Variants in SPTB observed in about 807,000 individuals in gnomAD.
SPTB encodes the protein spectrin beta, erythrocytic.
Under a neutral mutation model 256.2 loss-of-function variants are expected in SPTB, and 45 were observed. That is an observed-to-expected ratio of 0.18 (90% CI 0.14 to 0.23). SPTB has a LOEUF of 0.23. SPTB is among the 10% of genes least tolerant of loss of function. The probability of loss-of-function intolerance (pLI) is 1.00; values close to 1 mark genes in which losing one functional copy is unlikely to be tolerated. For synonymous variants in SPTB, 1,231 were observed against 1,243.1 expected (o/e 0.99, Z 0.21); for missense variants, 2,715 against 3,040.4 (o/e 0.89, Z 2.52).
chr14:64,807,596 G>A lies in SPTB; in HGVS notation c.149-2506C>T, dbSNP rs533702307. On this transcript the variant is annotated intron_variant, in intron 2 of 35. Coordinates refer to ENST00000644917, the MANE Select transcript of SPTB (RefSeq NM_001355436.2). This position sits in a 1 kb window ranked among gnomAD's most constrained non-coding sequence, Gnocchi z 4.7. ...CAATGTTGAGACACAGAAAGATTTCGAGAGGCTAATGATGATTGGAAGGGG... is the reference window on the plus strand; with the variant it reads ...CAATGTTGAGACACAGAAAGATTTCAAGAGGCTAATGATGATTGGAAGGGG... Among the ~76,000 whole-genome samples the A allele has an allele frequency of 5.3e-5, 8 of 152,328 alleles. No homozygotes were observed. The South Asian group carries it at 1.2e-3, about 24-fold the overall frequency.
intron 2 of SPTB, among the ~76,000 whole-genome samples, chr14:64,808,205 G>A (rs2083021184): frequency 1.3e-5 from 2 of 152,124 alleles, no homozygotes; most frequent in Non-Finnish European, 2.9e-5. Flanking sequence ...GTACAGACGG[G>A]GTTTCACCAT....
Position 64,772,818 on chromosome 14 carries a change from T to G in SPTB, c.5315A>C (p.Lys1772Thr), listed in dbSNP as rs1360974439. The G allele has an allele frequency of 6.2e-7, 1 of 1,613,912 alleles. No homozygotes were observed. ...TGCCCACATCTCGTTCAGCCCGTCC[T>G]TCCACTCGGCGATGGTGGCCGCCTC... ...HSEAATIAEW[K>T]DGLNEMWADL... is the part of the protein sequence containing the mutation. The change falls in exon 26 of 36, where the codon AAG (lysine) becomes ACG (threonine). Residue 1772 changes from lysine to threonine, a missense_variant. Lys to Thr is a moderately conservative substitution (Grantham distance 78). Around this residue, in one of 4 missense-constraint regions of SPTB, gnomAD observed 2,239 missense variants for 2,384.4 expected, o/e 0.94. Coordinates refer to ENST00000644917, the MANE Select transcript of SPTB (RefSeq NM_001355436.2). This position sits in a 1 kb window ranked among gnomAD's most constrained non-coding sequence, Gnocchi z 5.4.
At chr14:64,835,771 A>G (rs1286901740) in intron 1 of SPTB, among the ~76,000 whole-genome samples, 2 of 152,196 alleles carry the variant, frequency 1.3e-5, no homozygotes, top group Non-Finnish European at 2.9e-5. Context: ...GCCTTTATGT[A>G]TATTGTTCCA....
Position 64,813,866 on chromosome 14 carries a change from C to T in SPTB, c.149-8776G>A, listed in dbSNP as rs74549032. 1.6e-3 allele frequency among the ~76,000 whole-genome samples: 251 copies of T among 152,298 alleles called. 3 individuals carry two copies. The East Asian group carries it at 0.024, about 15-fold the overall frequency. ...TAACTGCCATGAACTTGTGATGAAC[C>T]TCAATGACACAGATGCCAATCCATA... On this transcript the variant is annotated intron_variant, in intron 2 of 35. Transcript: ENST00000644917.
chr14:64,802,424 T>A lies in SPTB; in HGVS notation c.475-107A>T. The A allele has an allele frequency of 9.8e-7, 1 of 1,016,822 alleles. No individual in the cohort carries two copies. Among genetic ancestry groups the A allele is most frequent in the South Asian group, 1.4e-5 (1 of 73,754 alleles). 63.0% of individuals were successfully genotyped at this position (1,016,822 alleles called of 1,614,324 possible). On this transcript the variant is annotated intron_variant, in intron 4 of 35. Coordinates refer to ENST00000644917, the MANE Select transcript of SPTB (RefSeq NM_001355436.2). The surrounding 1 kb of genome is among the most constrained non-coding windows in gnomAD (Gnocchi z 5.1). ...CCCTCATCCCCCCTTCACTTAACAC[T>A]AATTCATCCTTTAAGAGCCAGTATA...
At position 64,874,939 on chromosome 14, in the gene SPTB, A is replaced by AT. The variant is rs932930378; in HGVS notation, c.-52+4852dup. Among the ~76,000 whole-genome samples the AT allele has an allele frequency of 6.0e-5, 9 of 151,090 alleles. No individual in the cohort carries two copies. The South Asian group carries it at 6.3e-4, about 11-fold the overall frequency. The stretch of plus-strand genomic sequence containing the variant: ...CTGAGCCTGGTTCAATGCAAAGCCT[A>AT]TTTTTTTTTCAGCCCTGTGCCTTTT... On this transcript the variant is annotated intron_variant, in intron 1 of 35. Transcript: ENST00000644917.
intron 2 of SPTB, among the ~76,000 whole-genome samples, chr14:64,812,226 G>C (rs1374614563): frequency 6.6e-6 from 1 of 152,224 alleles, no homozygotes; most frequent in Non-Finnish European, 1.5e-5. Flanking sequence ...TGGGATTACA[G>C]GCGTGAGCCA....
rs763070496 is a variant in SPTB, at chr14:64,844,678, A to C, written c.-51-21533T>G. 6.6e-6 allele frequency among the ~76,000 whole-genome samples: 1 copy of C among 152,186 alleles called. No individual in the cohort carries two copies. Among genetic ancestry groups the C allele is most frequent in the South Asian group, 2.1e-4 (1 of 4,832 alleles). ...TAACATTTAGCAGGGCTTTAATTGA[A>C]AAGTAACATGAAGAAGAGGCTATGA... On this transcript the variant is annotated intron_variant, in intron 1 of 35. Transcript: ENST00000644917. The surrounding 1 kb of genome is among the most constrained non-coding windows in gnomAD (Gnocchi z 4.1).
intron 1 of SPTB, among the ~76,000 whole-genome samples, chr14:64,829,373 G>C (rs1245833977): frequency 6.6e-6 from 1 of 152,172 alleles, no homozygotes; most frequent in Admixed American, 6.5e-5. Flanking sequence ...GAGAGACTCA[G>C]GAGATGTAAT....
chr14:64,801,219 C>A, intron 7 of SPTB, 66 bp downstream of exon 7: 1 of 1,405,484 alleles, frequency 7.1e-7, no homozygotes, highest in South Asian at 1.2e-5. Context: ...CGGCTGAGCT[C>A]CTCTAGCACA....
intron 1 of SPTB, among the ~76,000 whole-genome samples, chr14:64,864,500 G>A (rs1189785641): frequency 6.6e-6 from 1 of 152,136 alleles, no homozygotes; most frequent in East Asian, 1.9e-4. Flanking sequence ...ATGGAAAGAC[G>A]TCCAAGGTGT....
chr14:64,780,836 T>C (rs1241329381), intron 20 of SPTB, among the ~76,000 whole-genome samples: 2 of 152,198 alleles, frequency 1.3e-5, no homozygotes, highest in Non-Finnish European at 2.9e-5. Context: ...ACTACAAGGC[T>C]ACAGTGACAA....
chr14:64,776,718 G>A (rs1463420585), intron 22 of SPTB, among the ~76,000 whole-genome samples: 5 of 152,136 alleles, frequency 3.3e-5, no homozygotes, highest in Admixed American at 6.5e-5. Flanking sequence ...CTGGGATTAC[G>A]GGTGTGAACC....
At chr14:64,805,523 A>C (rs2082966642) in intron 2 of SPTB, among the ~76,000 whole-genome samples, 1 of 152,052 alleles carries the variant, frequency 6.6e-6, no homozygotes, top group African/African-American at 2.4e-5. Context: ...TTCATCCTTT[A>C]AGAGCCAGTA....
chr14:64,768,517 C>G (rs1407451598), intron 29 of SPTB, among the ~76,000 whole-genome samples: 2 of 152,110 alleles, frequency 1.3e-5, no homozygotes, highest in Admixed American at 1.3e-4. Flanking sequence ...CTTCTTGGCT[C>G]ACAGCTCCTC....
Position 64,796,529 on chromosome 14 carries a change from C to T in SPTB, c.1341+28G>A. 1 of 1,614,078 alleles carries T rather than the reference C, an allele frequency of 6.2e-7. No individual in the cohort carries two copies. The highest frequency in any genetic ancestry group is 8.5e-7 in the Non-Finnish European group (1 of 1,180,030). On this transcript the variant is annotated intron_variant, in intron 11 of 35. Coordinates refer to ENST00000644917, the MANE Select transcript of SPTB (RefSeq NM_001355436.2). This position sits in a 1 kb window ranked among gnomAD's most constrained non-coding sequence, Gnocchi z 4.1. Reference sequence around the variant, plus strand: ...GGGGCTCTGAAGAATGTCCCCTCTCCTGTCACCCAAAGCATGTCCCTCATT... The same window carrying T: ...GGGGCTCTGAAGAATGTCCCCTCTCTTGTCACCCAAAGCATGTCCCTCATT...
At position 64,806,534 on chromosome 14, in the gene SPTB, G is replaced by C. The variant is rs2082987474; in HGVS notation, c.149-1444C>G. The stretch of plus-strand genomic sequence containing the variant: ...TATCTTGATTCAACAATAACAAAAA[G>C]AGGAGCTTAGCCAGTTCTGCCTCAA... On this transcript the variant is annotated intron_variant, in intron 2 of 35. Coordinates refer to ENST00000644917, the MANE Select transcript of SPTB (RefSeq NM_001355436.2). The surrounding 1 kb of genome is among the most constrained non-coding windows in gnomAD (Gnocchi z 4.1). 6.6e-6 allele frequency among the ~76,000 whole-genome samples: 1 copy of C among 152,232 alleles called. No individual in the cohort carries two copies. Among genetic ancestry groups the C allele is most frequent in the African/African-American group, 2.4e-5 (1 of 41,458 alleles).
At chr14:64,878,392 A>G (rs1882935550) in intron 1 of SPTB, among the ~76,000 whole-genome samples, 1 of 151,942 alleles carries the variant, frequency 6.6e-6, no homozygotes, top group African/African-American at 2.4e-5. Context: ...ATCATTTTGC[A>G]CTTAGAAAAA....
At chr14:64,768,989 G>A (rs111842004) in intron 29 of SPTB, 45 bp downstream of exon 29, 102 of 1,500,532 alleles carry the variant, frequency 6.8e-5, no homozygotes, top group Non-Finnish European at 8.3e-5. Flanking sequence ...CTACTCCTGC[G>A]GGGGTACTCC....
Sources: gnomAD v4.1 joint callset for allele counts (sites outside exome capture counted in the v4.1 genomes callset) on GRCh38, gnomAD v4.1.1 for gene constraint, gnomAD v4.1.1 regional missense constraint, Gnocchi (gnomAD v3.1) non-coding constraint, MANE v1.5 for transcripts, NCBI Gene and HGNC (gene_info 2026-07-23, HGNC 2026-07-21) for gene names.